Variants in PPCDC observed in about 807,000 individuals in gnomAD.
PPCDC encodes the protein phosphopantothenoylcysteine decarboxylase.
PPCDC carries 20 observed loss-of-function variants against 20.7 expected under a neutral mutation model. That is an observed-to-expected ratio of 0.97 (90% CI 0.68 to 1.41). The LOEUF (loss-of-function observed/expected upper bound fraction) is 1.41. PPCDC is among the 40% of genes most tolerant of loss of function. PPCDC has a pLI of 0.00. For missense variants in PPCDC, 246 were observed against 263.8 expected, an observed-to-expected ratio of 0.93 and a Z score of 0.47; for synonymous variants, 88 against 100.3, an observed-to-expected ratio of 0.88 and a Z score of 0.73.
Position 75,028,288 on chromosome 15 carries a change from G to C in PPCDC, c.-31G>C. The C allele has an allele frequency of 1.2e-6, 2 of 1,610,104 alleles. No homozygotes were observed. Among genetic ancestry groups the C allele is most frequent in the Non-Finnish European group, 8.5e-7 (1 of 1,178,844 alleles). ...GCTTTATAGAGCCCAGGCCTGGCAG[G>C]CTCCCAGAACTTGAAGCCACCAGAC... On this transcript the variant is annotated 5_prime_UTR_variant, in exon 2 of 6. Transcript: ENST00000342932.
intron 2 of PPCDC, among the ~76,000 whole-genome samples, chr15:75,043,123 G>A (rs149562790): frequency 2.6e-5 from 4 of 152,362 alleles, no homozygotes; most frequent in Admixed American, 6.5e-5. Context: ...TGTCACTTGC[G>A]TGCCTCTGCC....
chr15:75,032,728 C>CG lies in PPCDC; in HGVS notation c.135+4275_135+4276insG, dbSNP rs1056539563. Among the ~76,000 whole-genome samples the CG allele has an allele frequency of 9.6e-5, 12 of 125,112 alleles. 2 individuals are homozygous for CG. Among genetic ancestry groups the CG allele is most frequent in the African/African-American group, 1.6e-4 (5 of 31,842 alleles). 82.1% of individuals were successfully genotyped at this position (125,112 alleles called of 152,430 possible). ...GTGTAGGAGCTAGCAAACTGGACCC[C>CG]CCCCCCCAAGGCCAAATTCGGCTCT... On this transcript the variant is annotated intron_variant, in intron 2 of 5. Coordinates refer to ENST00000342932, the MANE Select transcript of PPCDC (RefSeq NM_021823.5).
chr15:75,029,287 C>G (rs1410634801), intron 2 of PPCDC, among the ~76,000 whole-genome samples: 1 of 152,220 alleles, frequency 6.6e-6, no homozygotes, highest in Non-Finnish European at 1.5e-5. Flanking sequence ...GTTTTGGCCC[C>G]TTCTTTTAAA....
At chr15:75,037,353 A>T (rs1364470519) in intron 2 of PPCDC, among the ~76,000 whole-genome samples, 1 of 152,178 alleles carries the variant, frequency 6.6e-6, no homozygotes, top group Non-Finnish European at 1.5e-5. Flanking sequence ...TTATGGCAAA[A>T]CTCAGGAGGC....
At chr15:75,035,328 G>A (rs1040105392) in intron 2 of PPCDC, among the ~76,000 whole-genome samples, 16 of 152,264 alleles carry the variant, frequency 1.1e-4, no homozygotes, top group Admixed American at 5.2e-4. Context: ...TGGGCTTGGC[G>A]GTGGAGACTC....
chr15:75,025,153 A>G (rs774131077), intron 1 of PPCDC, among the ~76,000 whole-genome samples: 4 of 152,118 alleles, frequency 2.6e-5, no homozygotes, highest in Non-Finnish European at 5.9e-5. Context: ...GGTTTGCTCA[A>G]TCCTCCCACC....
At chr15:75,049,076 G>A in intron 5 of PPCDC, 74 bp from the exon 6 acceptor site, 3 of 1,383,792 alleles carry the variant, frequency 2.2e-6, no homozygotes, top group Non-Finnish European at 1.0e-6. Flanking sequence ...TGGAGCACTT[G>A]GAGCAATGGG....
rs532865608 is a variant in PPCDC at position 75,027,492 on chromosome 15, T to C, written c.-72-755T>C. Among the ~76,000 whole-genome samples the C allele has an allele frequency of 1.8e-4, 27 of 152,252 alleles. No individual in the cohort carries two copies. The South Asian group carries it at 5.6e-3, about 32-fold the overall frequency. On this transcript the variant is annotated intron_variant, in intron 1 of 5. Coordinates refer to ENST00000342932, the MANE Select transcript of PPCDC (RefSeq NM_021823.5). ...GCTTTGATTTGTACGGTGGTGCCCATCTTGATTAACAGGGACAGGGACAGA... is the reference window on the plus strand; with the variant it reads ...GCTTTGATTTGTACGGTGGTGCCCACCTTGATTAACAGGGACAGGGACAGA...
intron 1 of PPCDC, among the ~76,000 whole-genome samples, chr15:75,024,276 C>A (rs984086825): frequency 1.3e-5 from 2 of 152,122 alleles, no homozygotes; most frequent in Non-Finnish European, 2.9e-5. Flanking sequence ...GCAGTCACTG[C>A]CTTTCTAGTA....
At chr15:75,030,596 G>A (rs1162738616) in intron 2 of PPCDC, among the ~76,000 whole-genome samples, 1 of 152,130 alleles carries the variant, frequency 6.6e-6, no homozygotes, top group African/African-American at 2.4e-5. Context: ...GTCTATCCCT[G>A]CACACTCCCC....
intron 1 of PPCDC, among the ~76,000 whole-genome samples, 197 bp downstream of exon 1, chr15:75,023,823 G>C (rs958438119): frequency 1.3e-5 from 2 of 152,212 alleles, no homozygotes; most frequent in African/African-American, 4.8e-5. Context: ...TTTCCCGGCT[G>C]TACGGGTGGG....
intron 4 of PPCDC, among the ~76,000 whole-genome samples, chr15:75,047,073 G>A (rs574017895): frequency 1.3e-5 from 2 of 152,356 alleles, no homozygotes; most frequent in South Asian, 2.1e-4. Flanking sequence ...GCCTGCTTTC[G>A]TGGGTTCAGA....
intron 1 of PPCDC, among the ~76,000 whole-genome samples, chr15:75,024,853 T>C (rs2065943439): frequency 1.3e-5 from 2 of 151,720 alleles, no homozygotes; most frequent in Admixed American, 6.6e-5. Flanking sequence ...ATTTAAATAA[T>C]CTCTAGATTA....
chr15:75,032,854 G>A (rs148256190), intron 2 of PPCDC, among the ~76,000 whole-genome samples: 1 of 152,034 alleles, frequency 6.6e-6, no homozygotes, highest in Non-Finnish European at 1.5e-5. Flanking sequence ...AGGCTGGAGT[G>A]CAGTGGTGTG....
At chr15:75,027,911 A>C (rs2065976140) in intron 1 of PPCDC, among the ~76,000 whole-genome samples, 2 of 152,148 alleles carry the variant, frequency 1.3e-5, no homozygotes, top group South Asian at 4.1e-4. Context: ...CTTCCTTTGA[A>C]GTGATTTCTT....
In PPCDC at chr15:75,049,369, G is replaced by A. The variant is rs2066283255; in HGVS notation, c.*134G>A. 1.2e-6 allele frequency: 1 copy of A among 806,794 alleles called. No homozygotes were observed. The highest frequency in any genetic ancestry group is 1.7e-5 in the South Asian group (1 of 59,388). The allele number at this position is 806,794 out of a possible 1,614,324, so 50.0% of individuals were successfully genotyped here. On this transcript the variant is annotated 3_prime_UTR_variant, in exon 6 of 6. Coordinates refer to ENST00000342932, the MANE Select transcript of PPCDC (RefSeq NM_021823.5). The stretch of plus-strand genomic sequence containing the variant: ...GGACCTGCTCTGAGCCTGCCCAGGG[G>A]CCAGGCCTGCTCCAGGTTAAACTGG...
At chr15:75,042,623 A>G (rs905902001) in intron 2 of PPCDC, among the ~76,000 whole-genome samples, 6 of 148,562 alleles carry the variant, frequency 4.0e-5, no homozygotes, top group Admixed American at 1.4e-4. Context: ...ACTGCACTCC[A>G]GCCTGGGCGA....
chr15:75,039,776 TTTTC>T (rs1425755731), intron 2 of PPCDC, among the ~76,000 whole-genome samples: 2 of 140,998 alleles, frequency 1.4e-5, no homozygotes, highest in African/African-American at 5.1e-5. Context: ...AATTTACTTC[TTTTC>T]TTTCTTTGTT....
intron 4 of PPCDC, among the ~76,000 whole-genome samples, chr15:75,046,245 T>C (rs1309900191): frequency 6.6e-6 from 1 of 152,228 alleles, no homozygotes; most frequent in African/African-American, 2.4e-5. Context: ...CCAGCAGCAC[T>C]GGTGCCACAA....
Sources: allele counts gnomAD v4.1 joint callset (sites outside exome capture counted in the v4.1 genomes callset), GRCh38; gene constraint gnomAD v4.1.1; transcripts MANE v1.5; gene names NCBI Gene and HGNC (gene_info 2026-07-23, HGNC 2026-07-21).